The following TBC1D16 variants were observed in gnomAD, a reference collection of about 807,000 sequenced individuals.
TBC1D16 encodes CTD-2529O21.1.
A neutral mutation model predicts 74.7 loss-of-function variants in TBC1D16; 58 were observed. That is an observed-to-expected ratio of 0.78 (90% CI 0.63 to 0.97). TBC1D16 has a LOEUF of 0.97. Among genes scored for constraint, TBC1D16 ranks in the 50% least tolerant of loss-of-function variants. The probability of loss-of-function intolerance (pLI) is 0.00; values close to 1 mark genes in which losing one functional copy is unlikely to be tolerated. For missense variants in TBC1D16, 1,014 were observed against 1,079.5 expected (o/e 0.94, Z 0.85); for synonymous variants, 493 against 474.7 (o/e 1.04, Z -0.50).
In TBC1D16 at chr17:79,983,212, G is replaced by A. The variant is rs184921528; in HGVS notation, c.779+26948C>T. Among the ~76,000 whole-genome samples the A allele has an allele frequency of 3.1e-3, 466 of 152,356 alleles. 2 individuals carry two copies. Among genetic ancestry groups the A allele is most frequent in the African/African-American group, 0.011 (460 of 41,582 alleles). On this transcript the variant is annotated intron_variant, in intron 3 of 11. Coordinates refer to ENST00000310924, the MANE Select transcript of TBC1D16 (RefSeq NM_019020.4). This position sits in a 1 kb window ranked among gnomAD's most constrained non-coding sequence, Gnocchi z 5.6. ...CAGTGGCGGTTCAGAAGACGTGGCA[G>A]CGCGGGAGGGGTTTATGGCAGGGCA...
chr17:79,969,704 G>A (rs2033995904), intron 3 of TBC1D16, among the ~76,000 whole-genome samples: 2 of 152,194 alleles, frequency 1.3e-5, no homozygotes, highest in African/African-American at 4.8e-5. Flanking sequence ...CACTTTGGGA[G>A]GCCAAGGCAG....
At position 79,979,919 on chromosome 17, in the gene TBC1D16, G is replaced by A. The variant is rs1261739830; in HGVS notation, c.780-27101C>T. 6.6e-6 allele frequency among the ~76,000 whole-genome samples: 1 copy of A among 152,102 alleles called. No individual in the cohort carries two copies. Among genetic ancestry groups the A allele is most frequent in the African/African-American group, 2.4e-5 (1 of 41,414 alleles). On this transcript the variant is annotated intron_variant, in intron 3 of 11. Coordinates refer to ENST00000310924, the MANE Select transcript of TBC1D16 (RefSeq NM_019020.4). This position sits in a 1 kb window ranked among gnomAD's most constrained non-coding sequence, Gnocchi z 4.8. Reference sequence around the variant, plus strand: ...TCTGCGGGCCAGAGCTTGGGGCGCAGGAGGCCAAGGTCCAGGTCCCAGACA... The same window carrying A: ...TCTGCGGGCCAGAGCTTGGGGCGCAAGAGGCCAAGGTCCAGGTCCCAGACA...
intron 7 of TBC1D16, 69 bp from the exon 8 acceptor site, chr17:79,949,075 T>C: frequency 6.3e-7 from 1 of 1,592,066 alleles, no homozygotes; most frequent in Non-Finnish European, 8.6e-7. Flanking sequence ...GCGCACACAC[T>C]GCAGGAAGCC....
rs2144655160 is a variant in TBC1D16, at chr17:80,008,995, T to C, written c.779+1165A>G. On this transcript the variant is annotated intron_variant, in intron 3 of 11. Transcript: ENST00000310924. This position sits in a 1 kb window ranked among gnomAD's most constrained non-coding sequence, Gnocchi z 4.5. ...ATCCCAGCTTGGCCCGGGCACTGGCTGGGAGACCCCTGGCAAGCTGCTGAC... is the reference window on the plus strand; with the variant it reads ...ATCCCAGCTTGGCCCGGGCACTGGCCGGGAGACCCCTGGCAAGCTGCTGAC... 6.6e-6 allele frequency among the ~76,000 whole-genome samples: 1 copy of C among 152,334 alleles called. No homozygotes were observed. Among genetic ancestry groups the C allele is most frequent in the South Asian group, 2.1e-4 (1 of 4,834 alleles).
intron 8 of TBC1D16, 148 bp downstream of exon 8, chr17:79,948,724 A>G: frequency 9.2e-7 from 1 of 1,084,112 alleles, no homozygotes; most frequent in South Asian, 1.4e-5. Context: ...GCTCATGAGT[A>G]GCGTATCCTT....
At position 79,942,144 on chromosome 17, in the gene TBC1D16, G is replaced by A. The variant is rs751697731; in HGVS notation, c.1971C>T (p.Ile657=). ...AIVAIYGDDV[I]EQQLATDQML... is the part of the protein sequence containing the mutation. ...TCTGGTCCGTGGCCAGCTGCTGCTC[G>A]ATGACGTCATCCCCGTAGATGGCCA... is the stretch of plus-strand genomic sequence containing the variant. Residue 657 remains isoleucine, a synonymous_variant, in exon 11 of 12, where the codon ATC becomes ATT. Transcript: ENST00000310924. 2.0e-5 allele frequency: 32 copies of A among 1,610,488 alleles called. No individual in the cohort carries two copies. Among genetic ancestry groups the A allele is most frequent in the African/African-American group, 2.7e-5 (2 of 74,876 alleles).
chr17:80,005,396 G>A (rs912635493), intron 3 of TBC1D16, among the ~76,000 whole-genome samples: 22 of 152,156 alleles, frequency 1.4e-4, no homozygotes, highest in Non-Finnish European at 3.2e-4. Flanking sequence ...CCACACCCTC[G>A]CCCAACTGGC....
At chr17:79,977,494 C>A (rs1279329225) in intron 3 of TBC1D16, among the ~76,000 whole-genome samples, 1 of 152,256 alleles carries the variant, frequency 6.6e-6, no homozygotes, top group Non-Finnish European at 1.5e-5. Context: ...TCTCAGCCAT[C>A]TCTGCAACCC....
At chr17:80,031,097 C>T (rs2143436046) in intron 1 of TBC1D16, among the ~76,000 whole-genome samples, 1 of 152,336 alleles carries the variant, frequency 6.6e-6, no homozygotes, top group Non-Finnish European at 1.5e-5. Context: ...ACCCATCTTC[C>T]TGGGAACCCC....
chr17:80,032,558 A>C (rs1301235675), intron 1 of TBC1D16, among the ~76,000 whole-genome samples: 2 of 152,196 alleles, frequency 1.3e-5, no homozygotes, highest in East Asian at 3.8e-4. Flanking sequence ...ATGCAACATC[A>C]GGTGCTCAAA....
chr17:79,982,424 C>T (rs1293714042), intron 3 of TBC1D16, among the ~76,000 whole-genome samples: 1 of 151,764 alleles, frequency 6.6e-6, no homozygotes, highest in Admixed American at 6.6e-5. Context: ...GATTACAGGC[C>T]TGAGCCACTG....
intron 3 of TBC1D16, among the ~76,000 whole-genome samples, chr17:79,991,288 G>C (rs1290335858): frequency 2.0e-5 from 3 of 152,192 alleles, no homozygotes; most frequent in African/African-American, 7.2e-5. Flanking sequence ...CATCCCATCA[G>C]CCAGGCATCT....
Position 80,010,403 on chromosome 17 carries a change from G to C in TBC1D16, c.536C>G (p.Pro179Arg), listed in dbSNP as rs1027421840. ...GVDGAQPASQPACSPSGILST... is the reference protein window; with the variant it reads ...GVDGAQPASQRACSPSGILST... The stretch of plus-strand genomic sequence containing the variant: ...CAAGATCCCGGAGGGGCTGCAAGCA[G>C]GCTGCGAGGCTGGCTGGGCACCATC... The change falls in exon 3 of 12, where the codon CCT becomes CGT. Residue 179 changes from proline to arginine, a missense_variant. Physicochemically the swap from Pro to Arg is moderately radical, Grantham distance 103. Transcript: ENST00000310924. This position sits in a 1 kb window ranked among gnomAD's most constrained non-coding sequence, Gnocchi z 8.8. 9 of 1,611,620 alleles carry C rather than the reference G, an allele frequency of 5.6e-6. No homozygotes were observed. Among genetic ancestry groups the C allele is most frequent in the Non-Finnish European group, 7.6e-6 (9 of 1,179,208 alleles).
intron 3 of TBC1D16, among the ~76,000 whole-genome samples, chr17:80,003,141 C>T (rs1478814326): frequency 6.6e-6 from 1 of 152,182 alleles, no homozygotes; most frequent in Admixed American, 6.5e-5. Flanking sequence ...GCAGGGGGTC[C>T]CGGCAGCACC....
At position 80,009,555 on chromosome 17, in the gene TBC1D16, T is replaced by C. The variant is rs753897113; in HGVS notation, c.779+605A>G. 1.1e-4 allele frequency among the ~76,000 whole-genome samples: 17 copies of C among 152,172 alleles called. No homozygotes were observed. The highest frequency in any genetic ancestry group is 2.1e-4 in the South Asian group (1 of 4,834). On this transcript the variant is annotated intron_variant, in intron 3 of 11. Coordinates refer to ENST00000310924, the MANE Select transcript of TBC1D16 (RefSeq NM_019020.4). This position sits in a 1 kb window ranked among gnomAD's most constrained non-coding sequence, Gnocchi z 5.4. ...CTCTGGCTGGACTCCCCAGGGTGCA[T>C]AGCGGCTGCCAAGTCGGGTGAATAT...
In TBC1D16 at chr17:80,013,431, G is replaced by T; in HGVS notation, c.117C>A (p.Tyr39Ter). Residue 39 changes from tyrosine (Y) to a stop codon, truncating the protein, a stop_gained, in exon 2 of 12, where the codon TAC becomes TAA. Transcript: ENST00000310924. LOFTEE classifies it high-confidence loss of function. ...SPSVLDGEII[Y>*]SKNNVCVHPP... ...GGTGCACGCAGACATTGTTCTTGGA[G>T]TAGATGATCTCTCCATCCAGGACAG... 2 of 1,607,452 alleles carry T rather than the reference G, an allele frequency of 1.2e-6. No homozygotes were observed. The highest frequency in any genetic ancestry group is 1.7e-6 in the Non-Finnish European group (2 of 1,177,370).
rs547062411 is a variant in TBC1D16, at chr17:80,015,776, C to T, written c.-62-2167G>A. 8.6e-5 allele frequency among the ~76,000 whole-genome samples: 13 copies of T among 152,036 alleles called. No individual in the cohort carries two copies. In the East Asian group the frequency reaches 9.7e-4, roughly 11 times the overall value. On this transcript the variant is annotated intron_variant, in intron 1 of 11. Coordinates refer to ENST00000310924, the MANE Select transcript of TBC1D16 (RefSeq NM_019020.4). ...CTGTAATCCCAGCACTTTGGGAGGC[C>T]GAGATGGGCGGATCACCTGAGGTCA...
At position 79,944,829 on chromosome 17, in the gene TBC1D16, G is replaced by T. The variant is rs113407306; in HGVS notation, c.1908+79C>A. On this transcript the variant is annotated intron_variant, in intron 10 of 11. Coordinates refer to ENST00000310924, the MANE Select transcript of TBC1D16 (RefSeq NM_019020.4). The surrounding 1 kb of genome is among the most constrained non-coding windows in gnomAD (Gnocchi z 7.7). ...TGGGTGGGGGGCGGCGAGGCGGACA[G>T]GGGCAGCAGGCAGGGTGGCCACGGT... The T allele has an allele frequency of 1.1e-5, 15 of 1,318,724 alleles. 1 individual carries two copies. The highest frequency in any genetic ancestry group is 1.0e-4 in the African/African-American group (7 of 67,424). 81.7% of individuals were successfully genotyped at this position (1,318,724 alleles called of 1,614,324 possible).
intron 1 of TBC1D16, among the ~76,000 whole-genome samples, chr17:80,028,454 A>T (rs2036661901): frequency 6.6e-6 from 1 of 151,682 alleles, no homozygotes; most frequent in South Asian, 2.1e-4. Flanking sequence ...GCTTGAACCC[A>T]GGAGGCAGAG....
Sources: allele counts gnomAD v4.1 joint callset (sites outside exome capture counted in the v4.1 genomes callset), GRCh38; gene constraint gnomAD v4.1.1; non-coding constraint Gnocchi (gnomAD v3.1); transcripts MANE v1.5; gene names NCBI Gene and HGNC (gene_info 2026-07-23, HGNC 2026-07-21).